MKLN1: variants seen among roughly 807,000 people sequenced by gnomAD.
MKLN1 encodes the protein muskelin 1.
In MKLN1, 18 loss-of-function variants were observed where a neutral mutation model predicts 99.0. That is an observed-to-expected ratio of 0.18 (90% CI 0.13 to 0.27). The LOEUF (loss-of-function observed/expected upper bound fraction) is 0.27. Ranked by LOEUF, MKLN1 falls within the 10% of genes least tolerant of loss-of-function variation. The pLI is 1.00. For synonymous variants in MKLN1, 288 were observed against 293.2 expected, an observed-to-expected ratio of 0.98 and a Z score of 0.18; for missense variants, 621 against 875.9, an observed-to-expected ratio of 0.71 and a Z score of 3.67.
chr7:131,275,154 G>A (rs1797941166), intron 3 of MKLN1, among the ~76,000 whole-genome samples: 1 of 152,016 alleles, frequency 6.6e-6, no homozygotes, highest in African/African-American at 2.4e-5. Context: ...TCCTAGATCA[G>A]GGTGCCAGCA....
intron 3 of MKLN1, among the ~76,000 whole-genome samples, chr7:131,255,845 T>C (rs2116525388): frequency 6.6e-6 from 1 of 151,814 alleles, no homozygotes; most frequent in Admixed American, 6.6e-5. Context: ...CCTCCCAAAG[T>C]GCTGGGATTA....
intron 1 of MKLN1, among the ~76,000 whole-genome samples, chr7:131,137,986 C>T (rs1209740033): frequency 2.8e-5 from 4 of 141,328 alleles, no homozygotes; most frequent in African/African-American, 7.9e-5. Context: ...AGTGCAATGG[C>T]GTGATCTCGG....
intron 2 of MKLN1, among the ~76,000 whole-genome samples, chr7:131,168,985 A>G (rs1796176785): frequency 6.6e-6 from 1 of 151,548 alleles, no homozygotes; most frequent in Non-Finnish European, 1.5e-5. Context: ...CGTGTGCCTT[A>G]ACCTCCCCAG....
At chr7:131,225,199 A>G (rs1207055680) in intron 3 of MKLN1, among the ~76,000 whole-genome samples, 1 of 152,212 alleles carries the variant, frequency 6.6e-6, no homozygotes, top group Non-Finnish European at 1.5e-5. Flanking sequence ...TCACAGTTCT[A>G]GAGCTGGGAA....
intron 1 of MKLN1, among the ~76,000 whole-genome samples, chr7:131,367,891 C>T (rs1367849700): frequency 3.9e-5 from 6 of 152,012 alleles, no homozygotes; most frequent in South Asian, 2.1e-4. Context: ...TGGGGTATTC[C>T]GCTTTTAAAA....
chr7:131,212,060 G>A (rs1267126487), intron 3 of MKLN1, among the ~76,000 whole-genome samples: 5 of 152,158 alleles, frequency 3.3e-5, no homozygotes, highest in African/African-American at 4.8e-5. Flanking sequence ...CAGTGTAAGC[G>A]GAGCTCTCTC....
intron 12 of MKLN1, among the ~76,000 whole-genome samples, chr7:131,448,101 G>A (rs189400196): frequency 0.015 from 2,311 of 152,196 alleles, 51 homozygotes; most frequent in African/African-American, 0.052. Context: ...GGTGGCGGGC[G>A]CCTGTAGTCC....
chr7:131,248,343 A>G (rs1320268732), intron 3 of MKLN1, among the ~76,000 whole-genome samples: 1 of 152,224 alleles, frequency 6.6e-6, no homozygotes, highest in African/African-American at 2.4e-5. Context: ...TGTAACTCTC[A>G]GCCAGCTAGA....
chr7:131,141,949 A>T (rs1253750719), intron 1 of MKLN1, among the ~76,000 whole-genome samples: 1 of 152,224 alleles, frequency 6.6e-6, no homozygotes, highest in Non-Finnish European at 1.5e-5. Context: ...AAATGAATGA[A>T]TGTGAATGTC....
chr7:131,111,278 C>G (rs1439962173), intron 1 of MKLN1, among the ~76,000 whole-genome samples: 1 of 152,212 alleles, frequency 6.6e-6, no homozygotes, highest in Non-Finnish European at 1.5e-5. Flanking sequence ...GGAAATCAAA[C>G]TGCTCAGGGT....
intron 1 of MKLN1, among the ~76,000 whole-genome samples, chr7:131,342,270 A>G (rs1427709613): frequency 1.3e-5 from 2 of 152,132 alleles, no homozygotes; most frequent in Non-Finnish European, 2.9e-5. Flanking sequence ...CTTGACTTCA[A>G]ATGTATTACT....
chr7:131,193,075 A>G (rs1796591110), intron 2 of MKLN1, among the ~76,000 whole-genome samples: 1 of 152,188 alleles, frequency 6.6e-6, no homozygotes, highest in African/African-American at 2.4e-5. Flanking sequence ...CTAATATGCT[A>G]ACTTCCATAT....
intron 12 of MKLN1, 98 bp from the exon 13 acceptor site, chr7:131,463,119 G>A (rs1796564060): frequency 2.8e-6 from 3 of 1,086,974 alleles, no homozygotes; most frequent in Non-Finnish European, 4.0e-6. Flanking sequence ...GTGAAATGCT[G>A]TTCTTTAAAA....
chr7:131,260,706 A>C (rs996768487), intron 3 of MKLN1, among the ~76,000 whole-genome samples: 11 of 152,258 alleles, frequency 7.2e-5, no homozygotes, highest in Non-Finnish European at 1.5e-4. Flanking sequence ...CCAAAACAGC[A>C]TGGTACTGGT....
At position 131,335,699 on chromosome 7, in the gene MKLN1, T is replaced by G. The variant is rs571063714; in HGVS notation, c.98+7702T>G. ...GGCTTATTCTTTGACCTGTAGGTTT[T>G]TTTTTTTTTTTAACAAATGTATTGC... is the stretch of plus-strand genomic sequence containing the variant. On this transcript the variant is annotated intron_variant, in intron 1 of 17. Transcript: ENST00000352689. Among the ~76,000 whole-genome samples the G allele has an allele frequency of 2.9e-4, 44 of 151,834 alleles. No homozygotes were observed. In the East Asian group the frequency reaches 7.1e-3, roughly 25 times the overall value.
chr7:131,425,893 A>T (rs1429444535), intron 8 of MKLN1, among the ~76,000 whole-genome samples: 1 of 152,166 alleles, frequency 6.6e-6, no homozygotes, highest in Non-Finnish European at 1.5e-5. Context: ...TTGTGCATTA[A>T]ATAATACCTT....
chr7:131,282,638 C>T (rs1467677384), intron 3 of MKLN1, among the ~76,000 whole-genome samples: 1 of 151,758 alleles, frequency 6.6e-6, no homozygotes, highest in African/African-American at 2.4e-5. Context: ...CTTCTTTCTC[C>T]CCTTCCTTCT....
chr7:131,318,723 C>T (rs1481571895), intron 3 of MKLN1, among the ~76,000 whole-genome samples: 1 of 151,454 alleles, frequency 6.6e-6, no homozygotes, highest in Non-Finnish European at 1.5e-5. Context: ...AAAGAAGAGA[C>T]AAGAATCAAA....
At chr7:131,176,201 G>A (rs1338727128) in intron 2 of MKLN1, among the ~76,000 whole-genome samples, 2 of 151,978 alleles carry the variant, frequency 1.3e-5, no homozygotes, top group Admixed American at 1.3e-4. Context: ...CCTAAAATAT[G>A]CAATTAATGG....
Sources: allele counts gnomAD v4.1 joint callset (sites outside exome capture counted in the v4.1 genomes callset), GRCh38; gene constraint gnomAD v4.1.1; transcripts MANE v1.5; gene names NCBI Gene and HGNC (gene_info 2026-07-23, HGNC 2026-07-21).